Variants in ADAMTSL3 observed in about 807,000 individuals in gnomAD.
The protein encoded by ADAMTSL3 is ADAMTS-like protein 3.
A neutral mutation model predicts 201.7 loss-of-function variants in ADAMTSL3; 128 were observed. The ratio of observed to expected loss-of-function variants is 0.63; its 90% CI spans 0.55 to 0.73. ADAMTSL3 has a LOEUF of 0.73. Among genes scored for constraint, ADAMTSL3 ranks in the 30% least tolerant of loss-of-function variants. ADAMTSL3 has a pLI of 0.00. For synonymous variants in ADAMTSL3, 738 were observed against 748.4 expected, an observed-to-expected ratio of 0.99 and a Z score of 0.23; for missense variants, 1,990 against 2,119.6, an observed-to-expected ratio of 0.94 and a Z score of 1.20.
At chr15:83,691,426 G>T (rs1460924803) in intron 2 of ADAMTSL3, among the ~76,000 whole-genome samples, 2 of 152,198 alleles carry the variant, frequency 1.3e-5, no homozygotes, top group African/African-American at 4.8e-5. Context: ...TTCTTGCAGA[G>T]GTGGGTTGGG....
In ADAMTSL3 at chr15:83,923,962, C is replaced by T. The variant is rs747155286; in HGVS notation, c.2046C>T (p.Asp682=). ...LHIQTQQTVN[D]SLCDMVHRPP... ...TCCAGACCCAGCAGACAGTCAATGACAGCTTGTGTGATATGGTCCACCGTC... is the reference window on the plus strand; with the variant it reads ...TCCAGACCCAGCAGACAGTCAATGATAGCTTGTGTGATATGGTCCACCGTC... Residue 682 remains aspartate, a synonymous_variant, in exon 17 of 30, where the codon GAC becomes GAT. Coordinates refer to ENST00000286744, the MANE Select transcript of ADAMTSL3 (RefSeq NM_207517.3). 1.2e-6 allele frequency: 2 copies of T among 1,614,118 alleles called. No homozygotes were observed. Among genetic ancestry groups the T allele is most frequent in the Admixed American group, 3.3e-5 (2 of 60,014 alleles).
intron 3 of ADAMTSL3, among the ~76,000 whole-genome samples, chr15:83,712,806 A>G (rs2061950481): frequency 6.6e-6 from 1 of 152,208 alleles, no homozygotes; most frequent in Non-Finnish European, 1.5e-5. Context: ...CTCTGGCTCC[A>G]GTGACCTTCA....
chr15:83,679,151 A>G (rs1430133081), intron 2 of ADAMTSL3, among the ~76,000 whole-genome samples: 2 of 151,922 alleles, frequency 1.3e-5, no homozygotes, highest in African/African-American at 2.4e-5. Flanking sequence ...TAAATTTAAG[A>G]TATTGCGTTT....
At chr15:83,679,770 A>C (rs542909339) in intron 2 of ADAMTSL3, among the ~76,000 whole-genome samples, 1 of 152,104 alleles carries the variant, frequency 6.6e-6, no homozygotes, top group Non-Finnish European at 1.5e-5. Context: ...CCCCCACTCT[A>C]TTTGTGAGGG....
In ADAMTSL3 at chr15:83,885,227, T is replaced by G; in HGVS notation, c.1072+15T>G. On this transcript the variant is annotated intron_variant, in intron 10 of 29. Transcript: ENST00000286744. ...GTGTGGAGGAGGTGAGGCCCAGGCT[T>G]TGTTCATGAATATTTAGAGCTCAGA... 6.4e-7 allele frequency: 1 copy of G among 1,572,382 alleles called. No homozygotes were observed. Among genetic ancestry groups the G allele is most frequent in the Non-Finnish European group, 8.7e-7 (1 of 1,142,964 alleles).
chr15:83,967,763 T>C lies in ADAMTSL3; in HGVS notation c.2491-2721T>C, dbSNP rs370807452. ...AAAAAGAACAAAGCTGGAGGCATCA[T>C]GCTACCTGACTTCAAACTATACTAC... On this transcript the variant is annotated intron_variant, in intron 19 of 29. Transcript: ENST00000286744. Among the ~76,000 whole-genome samples, 99 of 152,218 alleles carry C rather than the reference T, an allele frequency of 6.5e-4. 1 individual carries two copies. In the South Asian group the frequency reaches 0.016, roughly 24 times the overall value.
chr15:83,682,282 C>T (rs540870656), intron 2 of ADAMTSL3, among the ~76,000 whole-genome samples: 1 of 152,014 alleles, frequency 6.6e-6, no homozygotes, highest in Non-Finnish European at 1.5e-5. Flanking sequence ...CCAAGGTTCA[C>T]AGGACAAGTG....
intron 5 of ADAMTSL3, 150 bp from the exon 6 acceptor site, chr15:83,819,661 C>CAAA (rs11301352): frequency 1.3e-5 from 7 of 523,954 alleles, no homozygotes; most frequent in African/African-American, 2.3e-5. Flanking sequence ...AACGTTGAAT[C>CAAA]AAAAAAAAAA....
At chr15:84,015,016 G>T (rs761584898) in intron 24 of ADAMTSL3, among the ~76,000 whole-genome samples, 1 of 151,908 alleles carries the variant, frequency 6.6e-6, no homozygotes, top group Non-Finnish European at 1.5e-5. Flanking sequence ...CACAATCTCG[G>T]CTCACTGCAA....
At chr15:83,682,070 T>C (rs2061483210) in intron 2 of ADAMTSL3, among the ~76,000 whole-genome samples, 1 of 152,246 alleles carries the variant, frequency 6.6e-6, no homozygotes, top group Admixed American at 6.5e-5. Context: ...TTTTGGACAA[T>C]TTCTGGCTAG....
chr15:83,934,884 T>C (rs933991680), intron 17 of ADAMTSL3, among the ~76,000 whole-genome samples: 1 of 152,222 alleles, frequency 6.6e-6, no homozygotes, highest in Non-Finnish European at 1.5e-5. Context: ...AATGAAATCT[T>C]GTCTTTTGCA....
At chr15:83,987,578 T>C (rs1423107659) in intron 21 of ADAMTSL3, among the ~76,000 whole-genome samples, 1 of 152,154 alleles carries the variant, frequency 6.6e-6, no homozygotes, top group Non-Finnish European at 1.5e-5. Context: ...GGGAAAACTT[T>C]ACAGGGGAAA....
At chr15:83,678,788 TGTATATA>T (rs1257837171) in intron 2 of ADAMTSL3, among the ~76,000 whole-genome samples, 1,925 of 70,490 alleles carry the variant, frequency 0.027, 58 homozygotes, top group African/African-American at 0.094. Flanking sequence ...TTAATATATA[TGTATATA>T]TAATATATAT....
At chr15:83,847,495 CTTT>C (rs34900690) in intron 7 of ADAMTSL3, among the ~76,000 whole-genome samples, 4 of 137,916 alleles carry the variant, frequency 2.9e-5, no homozygotes, top group Non-Finnish European at 3.1e-5. Flanking sequence ...TGCCAGGTAA[CTTT>C]TTTTTTTTTT....
chr15:83,826,837 A>C (rs2064035310), intron 6 of ADAMTSL3, among the ~76,000 whole-genome samples: 1 of 152,048 alleles, frequency 6.6e-6, no homozygotes, highest in Non-Finnish European at 1.5e-5. Flanking sequence ...AAAGGACATG[A>C]ACTCATCCTT....
intron 4 of ADAMTSL3, among the ~76,000 whole-genome samples, chr15:83,778,371 A>G (rs1355079760): frequency 6.6e-6 from 1 of 152,228 alleles, no homozygotes; most frequent in Non-Finnish European, 1.5e-5. Context: ...AAAGACAGAG[A>G]GAAAGGTCAG....
At chr15:83,953,018 T>C (rs1371040694) in intron 19 of ADAMTSL3, among the ~76,000 whole-genome samples, 1 of 152,236 alleles carries the variant, frequency 6.6e-6, no homozygotes, top group East Asian at 1.9e-4. Context: ...TGTGTATCTT[T>C]ACAGGTGAAA....
At chr15:83,946,244 T>C (rs145071539) in intron 19 of ADAMTSL3, among the ~76,000 whole-genome samples, 204 of 152,302 alleles carry the variant, frequency 1.3e-3, no homozygotes, top group African/African-American at 4.5e-3. Flanking sequence ...CATCACCACT[T>C]TCCTCCGTGT....
In ADAMTSL3 at chr15:84,007,966, C is replaced by T. The variant is rs534348383; in HGVS notation, c.3974-6576C>T. Among the ~76,000 whole-genome samples the T allele has an allele frequency of 2.3e-4, 35 of 152,316 alleles. 1 individual carries two copies. The highest frequency in any genetic ancestry group is 7.7e-4 in the African/African-American group (32 of 41,578). On this transcript the variant is annotated intron_variant, in intron 23 of 29. Transcript: ENST00000286744. ...CAAAGTGCCTCAAGAGTAGTTTATA[C>T]TTGCTGTCTTCAATTTCATTTCTCT...
Sources: allele counts gnomAD v4.1 joint callset (sites outside exome capture counted in the v4.1 genomes callset), GRCh38; gene constraint gnomAD v4.1.1; transcripts MANE v1.5; gene names NCBI Gene and HGNC (gene_info 2026-07-23, HGNC 2026-07-21).